Variants in TJP1 observed in about 807,000 individuals in gnomAD.
TJP1 encodes the protein tight junction protein 1.
A neutral mutation model predicts 194.2 loss-of-function variants in TJP1; 43 were observed. The ratio of observed to expected loss-of-function variants is 0.22; its 90% CI spans 0.17 to 0.29. TJP1 has a LOEUF of 0.29. Ranked by LOEUF, TJP1 falls within the 10% of genes least tolerant of loss-of-function variation. The pLI is 1.00. For synonymous variants in TJP1, 801 were observed against 779.0 expected (o/e 1.03, Z -0.47); for missense variants, 1,971 against 2,185.7 (o/e 0.90, Z 1.96).
chr15:29,733,009 C>A, intron 13 of TJP1, 85 bp downstream of exon 13: 1 of 1,458,778 alleles, frequency 6.9e-7, no homozygotes, highest in South Asian at 1.3e-5. Context: ...GAATTCTTTA[C>A]ATTACCAAAA....
chr15:29,956,165 A>C (rs1160932801), intron 2 of TJP1: 1 of 1,101,756 alleles, frequency 9.1e-7, no homozygotes, highest in East Asian at 6.5e-5. Context: ...CATTTTTATG[A>C]AAATAATAAA....
intron 1 of TJP1, among the ~76,000 whole-genome samples, chr15:29,813,458 A>T (rs988989168): frequency 1.3e-5 from 2 of 152,310 alleles, no homozygotes; most frequent in African/African-American, 4.8e-5. Context: ...ATACAATGGA[A>T]TACCATGAAG....
chr15:29,882,923 T>C (rs1444298937), intron 2 of TJP1, among the ~76,000 whole-genome samples: 1 of 152,198 alleles, frequency 6.6e-6, no homozygotes, highest in Non-Finnish European at 1.5e-5. Flanking sequence ...GTCTTCTTGC[T>C]GCCCCTTTTG....
intron 2 of TJP1, among the ~76,000 whole-genome samples, chr15:29,836,968 T>G (rs980511247): frequency 7.2e-5 from 11 of 152,084 alleles, no homozygotes; most frequent in Non-Finnish European, 1.5e-4. Context: ...TCCAAAACAG[T>G]GAGAAATAAA....
chr15:29,791,037 CTTTT>C (rs140936808), intron 2 of TJP1, among the ~76,000 whole-genome samples: 1,917 of 150,760 alleles, frequency 0.013, 46 homozygotes, highest in African/African-American at 0.045. Flanking sequence ...TACTCGTTTC[CTTTT>C]TTTTTGGACG....
chr15:29,737,497 G>T, intron 10 of TJP1, 83 bp from the exon 11 acceptor site: 1 of 1,439,558 alleles, frequency 6.9e-7, no homozygotes, highest in Non-Finnish European at 9.4e-7. Flanking sequence ...ACTATATTCA[G>T]AATTAAATAA....
intron 2 of TJP1, among the ~76,000 whole-genome samples, chr15:29,915,089 T>C (rs1169376584): frequency 6.6e-6 from 1 of 152,142 alleles, no homozygotes; most frequent in African/African-American, 2.4e-5. Flanking sequence ...GTGAAAGACA[T>C]TATCTGTAAA....
chr15:29,877,581 TTCCTTCCTTCCTTTC>T (rs945919443), intron 2 of TJP1, among the ~76,000 whole-genome samples: 7 of 151,976 alleles, frequency 4.6e-5, no homozygotes, highest in South Asian at 4.2e-4. Flanking sequence ...CTTTCTTTCT[TTCCTTCCTTCCTTTC>T]TCCTTCCTTC....
intron 2 of TJP1, among the ~76,000 whole-genome samples, chr15:29,951,510 C>T (rs1041089396): frequency 2.0e-5 from 3 of 151,174 alleles, no homozygotes; most frequent in African/African-American, 7.3e-5. Context: ...CTTTTCAAAT[C>T]GAAAAAAAAT....
chr15:29,814,755 C>T (rs556647359), intron 1 of TJP1, among the ~76,000 whole-genome samples: 77 of 152,260 alleles, frequency 5.1e-4, no homozygotes, highest in African/African-American at 1.8e-3. Context: ...ACCTCCTTTC[C>T]GGACATGATA....
chr15:29,748,957 CGTGTGT>C (rs3084337), intron 8 of TJP1, among the ~76,000 whole-genome samples: 2 of 48,754 alleles, frequency 4.1e-5, no homozygotes, highest in African/African-American at 5.6e-5. Flanking sequence ...TGTGTGTGCG[CGTGTGT>C]GCGCGCGCGC....
intron 1 of TJP1, among the ~76,000 whole-genome samples, chr15:29,956,819 G>T (rs2055961572): frequency 6.6e-6 from 1 of 152,086 alleles, no homozygotes; most frequent in Non-Finnish European, 1.5e-5. Flanking sequence ...AGCCTGGGAG[G>T]TCAAGGCTAC....
chr15:29,870,376 A>C (rs1188390757), intron 2 of TJP1, among the ~76,000 whole-genome samples: 1 of 152,232 alleles, frequency 6.6e-6, no homozygotes, highest in Non-Finnish European at 1.5e-5. Context: ...TCCTGTGTGT[A>C]AAAACTATCT....
chr15:29,792,457 C>A lies in TJP1; in HGVS notation c.84+8189G>T, dbSNP rs555534356. 2.0e-5 allele frequency among the ~76,000 whole-genome samples: 3 copies of A among 152,192 alleles called. No homozygotes were observed. The East Asian group carries it at 5.8e-4, about 29-fold the overall frequency. On this transcript the variant is annotated intron_variant, in intron 2 of 27. Coordinates refer to ENST00000614355, the MANE Select transcript of TJP1 (RefSeq NM_001330239.4). ...TCTATTCTGTTCCACTGGTCTGTGT[C>A]TGTTTTTATGCCAGCACCATGCTAT...
intron 1 of TJP1, among the ~76,000 whole-genome samples, chr15:29,816,854 AC>A (rs1239012348): frequency 6.6e-6 from 1 of 152,182 alleles, no homozygotes; most frequent in African/African-American, 2.4e-5. Flanking sequence ...AACCATAAAA[AC>A]CCTAAAAGAA....
intron 2 of TJP1, among the ~76,000 whole-genome samples, chr15:29,790,102 T>C (rs1177416811): frequency 4.6e-5 from 7 of 152,226 alleles, no homozygotes; most frequent in Non-Finnish European, 8.8e-5. Context: ...GTTTGCCTGT[T>C]GTCTATGGTT....
At chr15:29,814,832 T>C (rs2049795802) in intron 1 of TJP1, among the ~76,000 whole-genome samples, 1 of 152,190 alleles carries the variant, frequency 6.6e-6, no homozygotes, top group Non-Finnish European at 1.5e-5. Context: ...AACTGAAATA[T>C]ATCCGCAACA....
intron 1 of TJP1, among the ~76,000 whole-genome samples, chr15:29,814,211 G>A (rs758236563): frequency 1.5e-4 from 23 of 152,252 alleles, no homozygotes; most frequent in Non-Finnish European, 3.2e-4. Flanking sequence ...CTCCTCCAAC[G>A]AAGAAAGCAC....
At chr15:29,788,505 C>G (rs756531322) in intron 2 of TJP1, among the ~76,000 whole-genome samples, 1 of 152,084 alleles carries the variant, frequency 6.6e-6, no homozygotes, top group Non-Finnish European at 1.5e-5. Context: ...GGTAGGGGTC[C>G]AAATTCATTA....
Sources: allele counts gnomAD v4.1 joint callset (sites outside exome capture counted in the v4.1 genomes callset), GRCh38; gene constraint gnomAD v4.1.1; transcripts MANE v1.5; gene names NCBI Gene and HGNC (gene_info 2026-07-23, HGNC 2026-07-21).